The following STON2 variants were observed in gnomAD, a reference collection of about 807,000 sequenced individuals.
STON2 encodes the protein stonin-2.
Under a neutral mutation model 65.7 loss-of-function variants are expected in STON2, and 29 were observed. The ratio of observed to expected loss-of-function variants is 0.44; its 90% CI spans 0.33 to 0.60. The LOEUF (loss-of-function observed/expected upper bound fraction) is 0.60, where lower values mean the gene tolerates loss of function less well. Among genes scored for constraint, STON2 ranks in the 20% least tolerant of loss-of-function variants. STON2 has a pLI of 0.03. For missense variants in STON2, 1,054 were observed against 1,118.1 expected (o/e 0.94, Z 0.82); for synonymous variants, 404 against 414.2 (o/e 0.98, Z 0.30).
chr14:81,274,627 G>A (rs1290797181), intron 6 of STON2, among the ~76,000 whole-genome samples: 1 of 151,858 alleles, frequency 6.6e-6, no homozygotes, highest in Non-Finnish European at 1.5e-5. Context: ...AGTCTCTTGA[G>A]CCAAGTTGCA....
At chr14:81,358,186 T>C (rs1898334701) in intron 4 of STON2, among the ~76,000 whole-genome samples, 1 of 151,966 alleles carries the variant, frequency 6.6e-6, no homozygotes, top group Non-Finnish European at 1.5e-5. Flanking sequence ...AAAACAAAAC[T>C]ATTAATAACA....
chr14:81,400,523 C>T (rs969927345), upstream of STON2, among the ~76,000 whole-genome samples: 2 of 148,048 alleles, frequency 1.4e-5, no homozygotes, highest in Non-Finnish European at 3.0e-5. Flanking sequence ...CCTATGCTGA[C>T]ACATGCAGTG....
chr14:81,431,436 G>C (rs1464570565), intron 1 of STON2, among the ~76,000 whole-genome samples: 1 of 152,042 alleles, frequency 6.6e-6, no homozygotes, highest in Non-Finnish European at 1.5e-5. Flanking sequence ...TCAGGAGTTC[G>C]AGACCAGCCT....
At chr14:81,323,109 C>G (rs1288965482) in intron 5 of STON2, among the ~76,000 whole-genome samples, 1 of 152,184 alleles carries the variant, frequency 6.6e-6, no homozygotes, top group Non-Finnish European at 1.5e-5. Flanking sequence ...AATATCTTCC[C>G]AGGTATTAAA....
intron 5 of STON2, among the ~76,000 whole-genome samples, chr14:81,300,438 G>A (rs1177055772): frequency 1.3e-5 from 2 of 152,046 alleles, no homozygotes; most frequent in Non-Finnish European, 2.9e-5. Context: ...TAAATAAATT[G>A]TACTTCATCA....
chr14:81,395,822 C>A (rs1007099219), intron 3 of STON2, 72 bp downstream of exon 3: 2 of 1,486,958 alleles, frequency 1.3e-6, no homozygotes, highest in Non-Finnish European at 1.9e-6. Context: ...ATCCTGGCAG[C>A]CCTATAGACC....
chr14:81,267,762 T>C lies in STON2; in HGVS notation c.*652A>G, dbSNP rs1016159001. 17 of 985,322 alleles carry C rather than the reference T, an allele frequency of 1.7e-5. No homozygotes were observed. The highest frequency in any genetic ancestry group is 6.1e-5 in the Admixed American group (1 of 16,264). The allele number at this position is 985,322 out of a possible 1,614,324, so 61.0% of individuals were successfully genotyped here. ...CTATTGTGCCTTTTTCCATTGTCTA[T>C]TGTGACTCAGGATAGCAAATCCTGT... On this transcript the variant is annotated 3_prime_UTR_variant, in exon 8 of 8. Transcript: ENST00000614646.
Position 81,332,843 on chromosome 14 carries a change from A to G in STON2, c.572-8656T>C, listed in dbSNP as rs186595210. On this transcript the variant is annotated intron_variant, in intron 4 of 7. Coordinates refer to ENST00000614646, the MANE Select transcript of STON2 (RefSeq NM_001394390.1). ...ATTTTAAGAGCTTTTTTTTCACATG[A>G]AAGTTTTTAGTTTATTGATCTTCCT... 2.0e-4 allele frequency: 34 copies of G among 170,306 alleles called. No homozygotes were observed. In the East Asian group the frequency reaches 4.9e-3, roughly 24 times the overall value. The allele number at this position is 170,306 out of a possible 1,614,324, so 10.5% of individuals were successfully genotyped here.
rs1165081187 is a variant in STON2, at chr14:81,262,916, C to G, written c.*5498G>C. On this transcript the variant is annotated 3_prime_UTR_variant, in exon 8 of 8. Coordinates refer to ENST00000614646, the MANE Select transcript of STON2 (RefSeq NM_001394390.1). ...AAATATGAGTCATGATATCTAAAGC[C>G]AGTCTCATTTAAACAAGATAAGAAA... The G allele has an allele frequency of 3.0e-6, 3 of 985,266 alleles. No homozygotes were observed. The highest frequency in any genetic ancestry group is 3.6e-6 in the Non-Finnish European group (3 of 829,920). The allele number at this position is 985,266 out of a possible 1,614,324, so 61.0% of individuals were successfully genotyped here.
In STON2 at chr14:81,431,264, G is replaced by C. The variant is rs531279291; in HGVS notation, c.-309-4052C>G. Among the ~76,000 whole-genome samples, 41 of 152,218 alleles carry C rather than the reference G, an allele frequency of 2.7e-4. No individual in the cohort carries two copies. In the South Asian group the frequency reaches 8.1e-3, roughly 30 times the overall value. On this transcript the variant is annotated intron_variant, in intron 1 of 8. Transcript: ENST00000553821. ...TGACTTGTCTCTCAAATCTCAACTG[G>C]AACAAGGATCTTTTCAAATCTCACT...
At chr14:81,427,744 G>A (rs532466447) in intron 1 of STON2, among the ~76,000 whole-genome samples, 1 of 152,062 alleles carries the variant, frequency 6.6e-6, no homozygotes, top group African/African-American at 2.4e-5. Flanking sequence ...AGAAAAAAGT[G>A]TGCTTTGACT....
chr14:81,402,815 C>G (rs575168352), upstream of STON2, among the ~76,000 whole-genome samples: 1 of 152,290 alleles, frequency 6.6e-6, no homozygotes, highest in South Asian at 2.1e-4. Flanking sequence ...CTGCTCAAAC[C>G]TACTATCCAG....
chr14:81,268,213 C>T lies in STON2; in HGVS notation c.*201G>A, dbSNP rs1427095279. On this transcript the variant is annotated 3_prime_UTR_variant, in exon 8 of 8. Transcript: ENST00000614646. The stretch of plus-strand genomic sequence containing the variant: ...AGGCATGACCAGAATCAAAGAGCCT[C>T]TCCAAAAGCCACCATTCTCAGGGTT... 1.7e-6 allele frequency: 2 copies of T among 1,152,814 alleles called. No individual in the cohort carries two copies. Among genetic ancestry groups the T allele is most frequent in the East Asian group, 6.6e-5 (1 of 15,232 alleles). The allele number at this position is 1,152,814 out of a possible 1,614,324, so 71.4% of individuals were successfully genotyped here.
intron 4 of STON2, among the ~76,000 whole-genome samples, chr14:81,368,184 CTGTT>C (rs1427576597): frequency 1.8e-4 from 27 of 152,116 alleles, no homozygotes; most frequent in Admixed American, 7.2e-4. Flanking sequence ...ACTATGGTGA[CTGTT>C]TGGGAACTGG....
At chr14:81,383,830 G>C (rs1899653020) in intron 3 of STON2, among the ~76,000 whole-genome samples, 1 of 152,068 alleles carries the variant, frequency 6.6e-6, no homozygotes, top group African/African-American at 2.4e-5. Context: ...GCTGGATCAG[G>C]CCACACCTCA....
chr14:81,377,847 TTTTG>T (rs1244144909), intron 3 of STON2, among the ~76,000 whole-genome samples: 3 of 150,796 alleles, frequency 2.0e-5, no homozygotes, highest in African/African-American at 7.5e-5. Flanking sequence ...TAGCTCATTT[TTTTG>T]TTTTTTTTTT....
At chr14:81,299,143 T>C (rs1895876619) in intron 5 of STON2, among the ~76,000 whole-genome samples, 1 of 152,190 alleles carries the variant, frequency 6.6e-6, no homozygotes, top group Non-Finnish European at 1.5e-5. Flanking sequence ...ATCATGGTGG[T>C]CACTTTAAAC....
chr14:81,375,026 A>G (rs553616803), intron 3 of STON2, among the ~76,000 whole-genome samples: 4 of 152,322 alleles, frequency 2.6e-5, no homozygotes, highest in African/African-American at 9.6e-5. Flanking sequence ...TAGACTGACT[A>G]CCACCTCTTT....
chr14:81,311,704 A>T (rs1468668560), intron 5 of STON2, among the ~76,000 whole-genome samples: 1 of 152,222 alleles, frequency 6.6e-6, no homozygotes, highest in East Asian at 1.9e-4. Context: ...TTGCTTTAGA[A>T]ATAATTCTGT....
Sources: allele counts gnomAD v4.1 joint callset (sites outside exome capture counted in the v4.1 genomes callset), GRCh38; gene constraint gnomAD v4.1.1; transcripts MANE v1.5; gene names NCBI Gene and HGNC (gene_info 2026-07-23, HGNC 2026-07-21).